GLT1D1: variants seen among roughly 807,000 people sequenced by gnomAD.
GLT1D1 encodes the protein glycosyltransferase 1 domain containing 1, also known as glycosyltransferase 1 domain-containing protein 1.
GLT1D1 carries 21 observed loss-of-function variants against 28.7 expected under a neutral mutation model. The ratio of observed to expected loss-of-function variants is 0.73; its 90% CI spans 0.52 to 1.05. The LOEUF is 1.05. Among genes scored for constraint, GLT1D1 ranks in the 50% least tolerant of loss-of-function variants. The probability of loss-of-function intolerance (pLI) is 0.00; values close to 1 mark genes in which losing one functional copy is unlikely to be tolerated. For synonymous variants in GLT1D1, 147 were observed against 124.8 expected (o/e 1.18, Z -1.19); for missense variants, 343 against 330.6 (o/e 1.04, Z -0.29).
Position 128,983,402 on chromosome 12 carries a change from G to A in GLT1D1, c.*312G>A, listed in dbSNP as rs1880521037. The A allele has an allele frequency of 6.4e-6, 2 of 313,742 alleles. No individual in the cohort carries two copies. The highest frequency in any genetic ancestry group is 1.2e-5 in the Non-Finnish European group (2 of 166,540). 19.4% of individuals were successfully genotyped at this position (313,742 alleles called of 1,614,324 possible). ...GAGAGAATTTGATTACCTGCCTTAG[G>A]GCTTTGGTGTGGACAATAGAGGCTT... On this transcript the variant is annotated 3_prime_UTR_variant, in exon 8 of 8. Coordinates refer to ENST00000281703, the MANE Select transcript of GLT1D1 (RefSeq NM_144669.3). The surrounding 1 kb of genome is among the most constrained non-coding windows in gnomAD (Gnocchi z 4.7).
intron 7 of GLT1D1, among the ~76,000 whole-genome samples, chr12:128,977,105 C>T (rs7297983): frequency 0.012 from 1,758 of 152,318 alleles, 21 homozygotes; most frequent in African/African-American, 0.039. Context: ...GAGATCGCGC[C>T]GCTGCACTCC....
rs969672978 is a variant in GLT1D1, at chr12:128,957,461, T to A, written c.541-84T>A. 8.2e-6 allele frequency: 7 copies of A among 850,990 alleles called. No homozygotes were observed. The Admixed American group carries it at 1.5e-4, about 18-fold the overall frequency. The allele number at this position is 850,990 out of a possible 1,614,324, so 52.7% of individuals were successfully genotyped here. On this transcript the variant is annotated intron_variant, in intron 6 of 7. Coordinates refer to ENST00000281703, the MANE Select transcript of GLT1D1 (RefSeq NM_144669.3). ...CCAGAGGTCCAGTTAACCCAAGAAG[T>A]TATTCTGCCCCGCCCTGACTCATCT...
At chr12:128,885,134 TA>T (rs1957147572) in intron 2 of GLT1D1, among the ~76,000 whole-genome samples, 1 of 152,090 alleles carries the variant, frequency 6.6e-6, no homozygotes, top group South Asian at 2.1e-4. Context: ...TATACAATAA[TA>T]AAAAGAGAGT....
At chr12:128,926,528 C>T (rs1057157015) in intron 4 of GLT1D1, 74 bp downstream of exon 7, 2 of 763,556 alleles carry the variant, frequency 2.6e-6, no homozygotes, top group African/African-American at 3.5e-5. Context: ...TTTCTCTCTT[C>T]AGGGCCCTGA....
Position 128,922,946 on chromosome 12 carries a change from A to AG in GLT1D1, c.376-22379dup, listed in dbSNP as rs1491460915. Among the ~76,000 whole-genome samples the AG allele has an allele frequency of 5.7e-3, 803 of 141,194 alleles. 27 individuals are homozygous for AG. Among genetic ancestry groups the AG allele is most frequent in the Non-Finnish European group, 7.1e-3 (463 of 65,240 alleles). The allele number at this position is 141,194 out of a possible 152,430, so 92.6% of individuals were successfully genotyped here. A position where few individuals can be genotyped will look rare whatever the true frequency, so the allele number is the denominator to read the frequency against. ...TCAAAAAAAAAAAAAAAAAAAAAAA[A>AG]GAGTATTAAGGAAATATTAAAAACT... is the stretch of plus-strand genomic sequence containing the variant. On this transcript the variant is annotated intron_variant, in intron 4 of 7. Coordinates refer to ENST00000281703, the MANE Select transcript of GLT1D1 (RefSeq NM_144669.3).
intron 7 of GLT1D1, among the ~76,000 whole-genome samples, chr12:128,963,888 A>C (rs1002529207): frequency 6.6e-6 from 1 of 152,214 alleles, no homozygotes; most frequent in African/African-American, 2.4e-5. Context: ...TGCCCTCTGC[A>C]TCATCGGCCC....
At chr12:128,906,785 T>A in intron 4 of GLT1D1, 1 of 577,924 alleles carries the variant, frequency 1.7e-6, no homozygotes, top group Non-Finnish European at 3.1e-6. Context: ...TTTATCTACT[T>A]TGCCTTGGCA....
intron 7 of GLT1D1, among the ~76,000 whole-genome samples, chr12:128,960,392 G>A (rs890218141): frequency 6.6e-6 from 1 of 152,150 alleles, no homozygotes; most frequent in African/African-American, 2.4e-5. Flanking sequence ...AGGGACTATG[G>A]TTCTATGAAT....
rs553824477 is a variant in GLT1D1, at chr12:128,906,973, T to G, written c.375+7686T>G. ...TGTACAGGTGAGCTCCACAAGTCAG[T>G]GCAGATGTTAGCGCTGGCCTAATCG... is the stretch of plus-strand genomic sequence containing the variant. On this transcript the variant is annotated intron_variant, in intron 4 of 7. Transcript: ENST00000281703. 4.3e-6 allele frequency: 3 copies of G among 702,562 alleles called. No individual in the cohort carries two copies. In the South Asian group the frequency reaches 4.4e-5, roughly 10 times the overall value. The allele number at this position is 702,562 out of a possible 1,614,324, so 43.5% of individuals were successfully genotyped here. A position where few individuals can be genotyped will look rare whatever the true frequency, so the allele number is the denominator to read the frequency against.
chr12:128,896,526 T>C (rs1869643291), intron 3 of GLT1D1, among the ~76,000 whole-genome samples: 1 of 151,708 alleles, frequency 6.6e-6, no homozygotes, highest in African/African-American at 2.4e-5. Flanking sequence ...TGTCTGTGAC[T>C]ATATTTTCAT....
chr12:128,930,880 A>G (rs568117351), intron 4 of GLT1D1, among the ~76,000 whole-genome samples: 44 of 152,232 alleles, frequency 2.9e-4, no homozygotes, highest in African/African-American at 1.0e-3. Flanking sequence ...TTGTTTCTTA[A>G]TGGCTTCTTA....
chr12:128,908,469 T>G (rs1871174198), intron 4 of GLT1D1, among the ~76,000 whole-genome samples: 1 of 151,410 alleles, frequency 6.6e-6, no homozygotes, highest in Non-Finnish European at 1.5e-5. Context: ...CCTTCTTTCT[T>G]TCCTTCTTTC....
intron 1 of GLT1D1, among the ~76,000 whole-genome samples, chr12:128,868,544 G>T (rs1161491460): frequency 6.6e-6 from 1 of 152,222 alleles, no homozygotes; most frequent in African/African-American, 2.4e-5. Context: ...ACTAACAGGT[G>T]TTGTGGATCT....
chr12:128,948,466 TC>T (rs1876355311), intron 6 of GLT1D1, among the ~76,000 whole-genome samples: 2 of 152,122 alleles, frequency 1.3e-5, no homozygotes, highest in South Asian at 4.1e-4. Context: ...CCTTGGTGGT[TC>T]TCAGCACACA....
intron 3 of GLT1D1, among the ~76,000 whole-genome samples, chr12:128,890,332 A>G (rs1036629500): frequency 6.6e-6 from 1 of 152,146 alleles, no homozygotes; most frequent in Non-Finnish European, 1.5e-5. Context: ...GGCCCATTAT[A>G]ATCTTTGAAC....
chr12:128,937,447 GA>G (rs1417170875), intron 4 of GLT1D1, among the ~76,000 whole-genome samples: 3 of 152,326 alleles, frequency 2.0e-5, no homozygotes, highest in African/African-American at 7.2e-5. Context: ...CCTGTGGTAG[GA>G]GGTGTTACCA....
intron 3 of GLT1D1, 32 bp from the exon 4 acceptor site, chr12:128,899,204 A>C: frequency 6.5e-7 from 1 of 1,547,132 alleles, no homozygotes; most frequent in Non-Finnish European, 8.9e-7. Flanking sequence ...ATTCTGGCCT[A>C]ATTGTTTCTA....
chr12:128,855,235 A>AC (rs1003984215), intron 1 of GLT1D1, among the ~76,000 whole-genome samples: 2 of 147,244 alleles, frequency 1.4e-5, no homozygotes, highest in Non-Finnish European at 3.0e-5. Context: ...AAAAAAAAAA[A>AC]AAAAAAAACA....
At chr12:128,898,305 T>G (rs1869880326) in intron 3 of GLT1D1, among the ~76,000 whole-genome samples, 1 of 152,138 alleles carries the variant, frequency 6.6e-6, no homozygotes, top group South Asian at 2.1e-4. Flanking sequence ...CCTGAGTAGC[T>G]GGGACTACAA....
Sources: gnomAD v4.1 joint callset for allele counts (sites outside exome capture counted in the v4.1 genomes callset) on GRCh38, gnomAD v4.1.1 for gene constraint, Gnocchi (gnomAD v3.1) non-coding constraint, MANE v1.5 for transcripts, NCBI Gene and HGNC (gene_info 2026-07-23, HGNC 2026-07-21) for gene names.